BYSL: variants seen among roughly 807,000 people sequenced by gnomAD.
BYSL encodes the protein bystin.
In BYSL, 21 loss-of-function variants were observed where a neutral mutation model predicts 45.4. The ratio of observed to expected loss-of-function variants is 0.46; its 90% CI spans 0.33 to 0.67. BYSL has a LOEUF of 0.67. Among genes scored for constraint, BYSL ranks in the 30% least tolerant of loss-of-function variants. The pLI is 0.02. For missense variants in BYSL, 522 were observed against 578.5 expected, an observed-to-expected ratio of 0.90 and a Z score of 1.00; for synonymous variants, 215 against 231.3, an observed-to-expected ratio of 0.93 and a Z score of 0.64.
the BYSL span, among the ~76,000 whole-genome samples, chr6:41,914,962 A>G: frequency 2.0e-5 from 3 of 152,356 alleles, no homozygotes; most frequent in East Asian, 1.9e-4. Flanking sequence ...TTCAGAGTGC[A>G]TAAGGATTGT....
Position 41,930,868 on chromosome 6 carries a change from T to C in BYSL, c.704+100T>C, listed in dbSNP as rs546506070. ...CCTCTGGCCCCAGGGCATTTGAGCT[T>C]TGCCCCAGGGCCCTCTCTGTGCTAC... On this transcript the variant is annotated intron_variant, in intron 4 of 6. Transcript: ENST00000230340. The C allele has an allele frequency of 2.3e-5, 33 of 1,452,864 alleles. No individual in the cohort carries two copies. In the East Asian group the frequency reaches 7.6e-4, roughly 34 times the overall value. 90.0% of individuals were successfully genotyped at this position (1,452,864 alleles called of 1,614,324 possible). A position where few individuals can be genotyped will look rare whatever the true frequency, so the allele number is the denominator to read the frequency against.
chr6:41,927,295 C>A, intron 1 of BYSL, 79 bp from the exon 2 acceptor site: 1 of 1,545,058 alleles, frequency 6.5e-7, no homozygotes, highest in Admixed American at 1.7e-5. Context: ...GCCTGTACTA[C>A]ATAATGGCTA....
upstream of BYSL, chr6:41,917,290 C>A (rs1775339076): frequency 1.2e-5 from 2 of 173,818 alleles, no homozygotes; most frequent in South Asian, 2.3e-4. Flanking sequence ...ATCCCAACTA[C>A]GTGGGAGGCT....
At chr6:41,920,933 C>A, upstream of BYSL, 1 of 1,561,434 alleles carries the variant, frequency 6.4e-7, no homozygotes, top group Non-Finnish European at 8.7e-7. Flanking sequence ...GGACGGCGGA[C>A]CATGGTCAAG....
At chr6:41,912,507 C>A in the BYSL span, among the ~76,000 whole-genome samples, 1 of 151,848 alleles carries the variant, frequency 6.6e-6, no homozygotes, top group Non-Finnish European at 1.5e-5. Flanking sequence ...CAGGTGCCTG[C>A]CACCATGCCT....
upstream of BYSL, chr6:41,917,551 A>G (rs778612708): frequency 3.0e-4 from 98 of 325,154 alleles, no homozygotes; most frequent in Non-Finnish European, 5.4e-4. Flanking sequence ...CAAGGAATAG[A>G]GGACCACAGT....
At chr6:41,924,802 T>C (rs1211616642) in intron 1 of BYSL, among the ~76,000 whole-genome samples, 1 of 152,092 alleles carries the variant, frequency 6.6e-6, no homozygotes, top group African/African-American at 2.4e-5. Flanking sequence ...GTCAGAAACA[T>C]AGAGACCAGT....
intron 1 of BYSL, 65 bp from the exon 2 acceptor site, chr6:41,927,309 T>A (rs1195320954): frequency 1.3e-6 from 2 of 1,583,136 alleles, no homozygotes; most frequent in Admixed American, 3.4e-5. Context: ...ATGGCTAAAG[T>A]TAAACTGACG....
chr6:41,927,018 C>T (rs1446850958), intron 1 of BYSL, among the ~76,000 whole-genome samples: 9 of 149,906 alleles, frequency 6.0e-5, no homozygotes, highest in East Asian at 4.1e-4. Context: ...GGCATGAACC[C>T]GGGAGGCGGA....
intron 1 of BYSL, among the ~76,000 whole-genome samples, chr6:41,923,100 G>T (rs1167249341): frequency 1.3e-5 from 2 of 151,638 alleles, no homozygotes; most frequent in Non-Finnish European, 2.9e-5. Flanking sequence ...TATCACAGTA[G>T]CCTCCTCGTT....
chr6:41,914,007 G>A, the BYSL span, among the ~76,000 whole-genome samples: 1 of 152,162 alleles, frequency 6.6e-6, no homozygotes, highest in Non-Finnish European at 1.5e-5. Context: ...TTATAGATGA[G>A]AGAACTGTAC....
Position 41,932,405 on chromosome 6 carries a change from A to C in BYSL, c.1013A>C (p.Asn338Thr), listed in dbSNP as rs768545390. The change falls in exon 7 of 7, where the codon AAC becomes ACC. Residue 338 changes from asparagine to threonine, a missense_variant. Coordinates refer to ENST00000230340, the MANE Select transcript of BYSL (RefSeq NM_004053.4). The surrounding 1 kb of genome is among the most constrained non-coding windows in gnomAD (Gnocchi z 4.7). ...KIAEMEYSGA[N>T]SIFLRLLLDK... is the part of the protein sequence containing the mutation. ...GCTGAGATGGAATACAGCGGTGCCA[A>C]CAGCATCTTCCTGCGACTGCTGCTG... The C allele has an allele frequency of 6.2e-7, 1 of 1,613,604 alleles. No individual in the cohort carries two copies. The highest frequency in any genetic ancestry group is 8.5e-7 in the Non-Finnish European group (1 of 1,180,024).
In BYSL at chr6:41,930,255, C is replaced by T; in HGVS notation, c.555C>T (p.Tyr185=). The T allele has an allele frequency of 6.2e-7, 1 of 1,614,086 alleles. No homozygotes were observed. Among genetic ancestry groups the T allele is most frequent in the East Asian group, 2.2e-5 (1 of 44,880 alleles). The change falls in exon 3 of 7, where the codon TAC becomes TAT. Residue 185 remains tyrosine, a synonymous_variant. Transcript: ENST00000230340. ...PQLDPRVLEV[Y]RGVREVLSKY... ...TGGACCCCCGGGTCCTAGAAGTGTA[C>T]AGGGGGGTCCGGGAGGTAAGAGCTG... is the stretch of plus-strand genomic sequence containing the variant.
chr6:41,922,068 A>G (rs753022338), intron 1 of BYSL, among the ~76,000 whole-genome samples: 3 of 152,174 alleles, frequency 2.0e-5, no homozygotes, highest in Non-Finnish European at 4.4e-5. Context: ...AAGTGCTCCT[A>G]GCATGTATCC....
rs181182762 is a variant in BYSL, at chr6:41,925,767, C to A, written c.269-1607C>A. Among the ~76,000 whole-genome samples the A allele has an allele frequency of 2.9e-3, 443 of 151,752 alleles. 2 individuals are homozygous for A. The highest frequency in any genetic ancestry group is 4.8e-3 in the Non-Finnish European group (324 of 67,938). On this transcript the variant is annotated intron_variant, in intron 1 of 6. Coordinates refer to ENST00000230340, the MANE Select transcript of BYSL (RefSeq NM_004053.4). Reference sequence around the variant, plus strand: ...GCGATCTCGGCTCACCTCACCTCAACCTCCACCTCCCGGGTTCAAGCGATT... The same window carrying A: ...GCGATCTCGGCTCACCTCACCTCAAACTCCACCTCCCGGGTTCAAGCGATT...
the BYSL span, among the ~76,000 whole-genome samples, chr6:41,911,857 GA>G: frequency 1.3e-5 from 2 of 151,900 alleles, no homozygotes; most frequent in Non-Finnish European, 2.9e-5. Flanking sequence ...CGACTCTGAA[GA>G]AAAAAATCCA....
In BYSL at chr6:41,921,586, T is replaced by C. The variant is rs748867329; in HGVS notation, c.24T>C (p.Arg8=). 11 of 1,582,838 alleles carry C rather than the reference T, an allele frequency of 6.9e-6. No individual in the cohort carries two copies. Among genetic ancestry groups the C allele is most frequent in the Non-Finnish European group, 9.5e-6 (11 of 1,162,866 alleles). Residue 8 remains arginine (R), a synonymous_variant, in exon 1 of 7, where the codon CGT becomes CGC. Coordinates refer to ENST00000230340, the MANE Select transcript of BYSL (RefSeq NM_004053.4). MPKFKAA[R]GVGGQEKHAP... ...AAATGCCCAAATTCAAGGCGGCCCG[T>C]GGGGTGGGGGGTCAGGAAAAACATG...
chr6:41,932,820 C>A lies in BYSL; in HGVS notation c.*114C>A. 1 of 1,129,992 alleles carries A rather than the reference C, an allele frequency of 8.8e-7. No individual in the cohort carries two copies. The highest frequency in any genetic ancestry group is 1.2e-6 in the Non-Finnish European group (1 of 808,514). The allele number at this position is 1,129,992 out of a possible 1,614,324, so 70.0% of individuals were successfully genotyped here. A position where few individuals can be genotyped will look rare whatever the true frequency, so the allele number is the denominator to read the frequency against. On this transcript the variant is annotated 3_prime_UTR_variant, in exon 7 of 7. Coordinates refer to ENST00000230340, the MANE Select transcript of BYSL (RefSeq NM_004053.4). This position sits in a 1 kb window ranked among gnomAD's most constrained non-coding sequence, Gnocchi z 4.7. ...CTGAAGACCCAGATCAGGGCAGTGA[C>A]AGATCACAGGGACATCTGTGGCTCC...
intron 1 of BYSL, 117 bp downstream of exon 1, chr6:41,921,947 C>T (rs2127383788): frequency 2.2e-6 from 3 of 1,384,716 alleles, no homozygotes; most frequent in Non-Finnish European, 2.9e-6. Context: ...CCGTATTACA[C>T]TTGCAAAGGA....
Sources: allele counts gnomAD v4.1 joint callset (sites outside exome capture counted in the v4.1 genomes callset), GRCh38; gene constraint gnomAD v4.1.1; non-coding constraint Gnocchi (gnomAD v3.1); transcripts MANE v1.5; gene names NCBI Gene and HGNC (gene_info 2026-07-23, HGNC 2026-07-21).